B3GALT1: variants seen among roughly 807,000 people sequenced by gnomAD.
B3GALT1 encodes beta-1,3-galactosyltransferase 1.
Under a neutral mutation model 23.2 loss-of-function variants are expected in B3GALT1, and 10 were observed. The observed-to-expected ratio is 0.43, with a 90% confidence interval of 0.27 to 0.73. The LOEUF (loss-of-function observed/expected upper bound fraction) is 0.73, where lower values mean the gene tolerates loss of function less well. Ranked by LOEUF, B3GALT1 falls within the 30% of genes least tolerant of loss-of-function variation. B3GALT1 has a pLI of 0.21. For synonymous variants in B3GALT1, 156 were observed against 141.5 expected, an observed-to-expected ratio of 1.10 and a Z score of -0.73; for missense variants, 299 against 405.4, an observed-to-expected ratio of 0.74 and a Z score of 2.25.
chr2:167,405,167 A>G (rs1357607), intron 1 of B3GALT1, among the ~76,000 whole-genome samples: 142,515 of 152,166 alleles, frequency 0.94, 67,161 homozygotes, highest in Non-Finnish European at 0.99. Context: ...AATTCTTGAG[A>G]TTTCTAATAG....
chr2:167,383,365 C>T (rs1041106007), intron 1 of B3GALT1, among the ~76,000 whole-genome samples: 1 of 152,046 alleles, frequency 6.6e-6, no homozygotes, highest in Non-Finnish European at 1.5e-5. Flanking sequence ...TCAGAGATGT[C>T]ATGGAAGCAG....
chr2:167,715,233 C>T lies in B3GALT1; in HGVS notation c.-352+68267C>T, dbSNP rs113728950. Reference sequence around the variant, plus strand: ...GTTGTGTCTTCTTCAAGCACAGCAGCCTGATCTTTCATCATTGGCAAGTGT... The same window carrying T: ...GTTGTGTCTTCTTCAAGCACAGCAGTCTGATCTTTCATCATTGGCAAGTGT... On this transcript the variant is annotated intron_variant, in intron 3 of 4. Transcript: ENST00000392690. 6 of 1,613,964 alleles carry T rather than the reference C, an allele frequency of 3.7e-6. No homozygotes were observed. The East Asian group carries it at 1.3e-4, about 36-fold the overall frequency.
intron 3 of B3GALT1, among the ~76,000 whole-genome samples, chr2:167,676,567 A>G (rs1302166804): frequency 1.3e-5 from 2 of 151,228 alleles, no homozygotes; most frequent in African/African-American, 4.9e-5. Flanking sequence ...ATATATGTGT[A>G]TGCATTTCTT....
chr2:167,676,566 T>A (rs1048999201), intron 3 of B3GALT1, among the ~76,000 whole-genome samples: 4 of 151,010 alleles, frequency 2.6e-5, no homozygotes, highest in Non-Finnish European at 5.9e-5. Context: ...TATATATGTG[T>A]ATGCATTTCT....
intron 1 of B3GALT1, among the ~76,000 whole-genome samples, chr2:167,391,837 C>T (rs1254551384): frequency 1.3e-5 from 2 of 152,130 alleles, no homozygotes. Context: ...ATCTCTACTA[C>T]CTAAAGCCAA....
intron 2 of B3GALT1, among the ~76,000 whole-genome samples, chr2:167,573,811 G>T (rs895050645): frequency 1.3e-5 from 2 of 151,548 alleles, no homozygotes; most frequent in African/African-American, 4.8e-5. Flanking sequence ...ATTGGCTTAT[G>T]GGGGGCAGTC....
rs1378843644 is a variant in B3GALT1 at position 167,563,907 on chromosome 2, G to A, written c.-410+73630G>A. Among the ~76,000 whole-genome samples, 185 of 79,876 alleles carry A rather than the reference G, an allele frequency of 2.3e-3. 5 individuals are homozygous for A. The highest frequency in any genetic ancestry group is 3.0e-3 in the Non-Finnish European group (125 of 41,034). The allele number at this position is 79,876 out of a possible 152,430, so 52.4% of individuals were successfully genotyped here. ...ACGGGGCGGCCGGCCGGGCGGGGCC[G>A]ATCCCCCCACCTCCCTCCCAGACGG... On this transcript the variant is annotated intron_variant, in intron 2 of 4. Coordinates refer to ENST00000392690, the MANE Select transcript of B3GALT1 (RefSeq NM_020981.4).
chr2:167,681,938 TG>T (rs1686537569), intron 3 of B3GALT1, among the ~76,000 whole-genome samples: 1 of 152,254 alleles, frequency 6.6e-6, no homozygotes, highest in South Asian at 2.1e-4. Context: ...TGTGAAGTGA[TG>T]TCATTAAGGC....
chr2:167,736,679 A>C (rs1687496817), intron 3 of B3GALT1, among the ~76,000 whole-genome samples: 1 of 152,188 alleles, frequency 6.6e-6, no homozygotes, highest in Non-Finnish European at 1.5e-5. Flanking sequence ...AGGCGGGTAG[A>C]TCACTTGAGG....
intron 2 of B3GALT1, among the ~76,000 whole-genome samples, chr2:167,531,363 T>C (rs1379813515): frequency 6.6e-6 from 1 of 152,168 alleles, no homozygotes; most frequent in Non-Finnish European, 1.5e-5. Context: ...AGGACGGGAC[T>C]TCTTTAATAA....
chr2:167,549,617 C>G (rs1034811191), intron 2 of B3GALT1, among the ~76,000 whole-genome samples: 1 of 152,026 alleles, frequency 6.6e-6, no homozygotes, highest in African/African-American at 2.4e-5. Flanking sequence ...CCTCCCCTTC[C>G]TTGGTGTGGA....
chr2:167,375,100 C>G (rs1697742506), intron 1 of B3GALT1, among the ~76,000 whole-genome samples: 1 of 152,018 alleles, frequency 6.6e-6, no homozygotes, highest in African/African-American at 2.4e-5. Context: ...GAATCCTTTC[C>G]CCATTGCTTA....
chr2:167,500,108 T>TA (rs1180941322), intron 2 of B3GALT1, among the ~76,000 whole-genome samples: 1 of 152,084 alleles, frequency 6.6e-6, no homozygotes, highest in African/African-American at 2.4e-5. Flanking sequence ...AACATCCAGT[T>TA]AATGTCACAA....
At chr2:167,575,625 G>T (rs1286045473) in intron 2 of B3GALT1, among the ~76,000 whole-genome samples, 1 of 151,788 alleles carries the variant, frequency 6.6e-6, no homozygotes, top group Admixed American at 6.6e-5. Context: ...TCTTGTGTCT[G>T]AGGATATCAT....
At chr2:167,529,827 T>C (rs1317540179) in intron 2 of B3GALT1, among the ~76,000 whole-genome samples, 2 of 152,102 alleles carry the variant, frequency 1.3e-5, no homozygotes, top group Admixed American at 1.3e-4. Context: ...CCTGAATTAT[T>C]TCAGTAGTCT....
At chr2:167,416,072 A>G (rs1698464733) in intron 1 of B3GALT1, among the ~76,000 whole-genome samples, 2 of 152,218 alleles carry the variant, frequency 1.3e-5, no homozygotes, top group Non-Finnish European at 2.9e-5. Context: ...AAGAGAGGAA[A>G]CCAAGTAAGT....
At chr2:167,663,739 T>G (rs966815538) in intron 3 of B3GALT1, among the ~76,000 whole-genome samples, 1 of 152,032 alleles carries the variant, frequency 6.6e-6, no homozygotes, top group Non-Finnish European at 1.5e-5. Flanking sequence ...TCATGTGTTT[T>G]TTGGCTGCAT....
At chr2:167,796,224 A>G (rs754209592) in intron 3 of B3GALT1, among the ~76,000 whole-genome samples, 52 of 152,214 alleles carry the variant, frequency 3.4e-4, no homozygotes, top group Non-Finnish European at 1.0e-4. Flanking sequence ...AGCTCAATGC[A>G]AATCTAAACA....
intron 1 of B3GALT1, among the ~76,000 whole-genome samples, chr2:167,335,849 A>G (rs1337165334): frequency 1.3e-5 from 2 of 152,038 alleles, no homozygotes; most frequent in Admixed American, 6.6e-5. Flanking sequence ...TATGACTTAG[A>G]ATGACTAACT....
Sources: allele counts gnomAD v4.1 joint callset (sites outside exome capture counted in the v4.1 genomes callset), GRCh38; gene constraint gnomAD v4.1.1; transcripts MANE v1.5; gene names NCBI Gene and HGNC (gene_info 2026-07-23, HGNC 2026-07-21).